PTPRG: variants seen among roughly 807,000 people sequenced by gnomAD.
PTPRG encodes the protein receptor-type tyrosine-protein phosphatase gamma.
A neutral mutation model predicts 165.3 loss-of-function variants in PTPRG; 102 were observed. The ratio of observed to expected loss-of-function variants is 0.62; its 90% CI spans 0.53 to 0.73. PTPRG has a LOEUF of 0.73. Ranked by LOEUF, PTPRG falls within the 30% of genes least tolerant of loss-of-function variation. The probability of loss-of-function intolerance (pLI) is 0.00; values close to 1 mark genes in which losing one functional copy is unlikely to be tolerated. For synonymous variants in PTPRG, 675 were observed against 669.5 expected, an observed-to-expected ratio of 1.01 and a Z score of -0.13; for missense variants, 1,866 against 1,861.4, an observed-to-expected ratio of 1.00 and a Z score of -0.05.
At chr3:62,092,439 GAAAAAAAAAA>G (rs55955359) in intron 5 of PTPRG, among the ~76,000 whole-genome samples, 1 of 89,436 alleles carries the variant, frequency 1.1e-5, no homozygotes, top group Non-Finnish European at 2.1e-5. Flanking sequence ...GAGTCCATCT[GAAAAAAAAAA>G]AAAAAAAAAA....
chr3:61,828,306 G>A (rs2036170729), intron 2 of PTPRG, among the ~76,000 whole-genome samples: 1 of 152,210 alleles, frequency 6.6e-6, no homozygotes, highest in Non-Finnish European at 1.5e-5. Context: ...TATGGAAGAT[G>A]TTTAATATCT....
At chr3:61,939,134 A>T (rs1038241673) in intron 2 of PTPRG, among the ~76,000 whole-genome samples, 2 of 152,200 alleles carry the variant, frequency 1.3e-5, no homozygotes, top group Non-Finnish European at 2.9e-5. Flanking sequence ...ATCCCGTTCA[A>T]ACTGGCAGTC....
Position 62,203,058 on chromosome 3 carries a change from A to G in PTPRG, c.1378-115A>G. 5 of 1,482,900 alleles carry G rather than the reference A, an allele frequency of 3.4e-6. No individual in the cohort carries two copies. Among genetic ancestry groups the G allele is most frequent in the Non-Finnish European group, 4.5e-6 (5 of 1,114,980 alleles). 91.9% of individuals were successfully genotyped at this position (1,482,900 alleles called of 1,614,324 possible). On this transcript the variant is annotated intron_variant, in intron 11 of 29. Coordinates refer to ENST00000474889, the MANE Select transcript of PTPRG (RefSeq NM_002841.4). The surrounding 1 kb of genome is among the most constrained non-coding windows in gnomAD (Gnocchi z 6.4). ...ATTGGAAAACTCCATAGCATAGATG[A>G]GTAAAATCCTCAGAGGGTGACAACC... is the stretch of plus-strand genomic sequence containing the variant.
chr3:61,621,961 T>G lies in PTPRG; in HGVS notation c.85+59589T>G, dbSNP rs140321609. 6.0e-3 allele frequency among the ~76,000 whole-genome samples: 912 copies of G among 152,302 alleles called. 11 individuals carry two copies. Among genetic ancestry groups the G allele is most frequent in the African/African-American group, 0.021 (857 of 41,556 alleles). ...CCATTTAATTTTGGGGTAATTATTA[T>G]CTCCACAGTCCCTGTCCTTCTTGGA... is the stretch of plus-strand genomic sequence containing the variant. On this transcript the variant is annotated intron_variant, in intron 1 of 29. Coordinates refer to ENST00000474889, the MANE Select transcript of PTPRG (RefSeq NM_002841.4).
At chr3:62,142,927 C>T (rs9854551) in intron 6 of PTPRG, among the ~76,000 whole-genome samples, 23,346 of 152,118 alleles carry the variant, frequency 0.15, 2,279 homozygotes, top group East Asian at 0.36. Context: ...ACCACCATGG[C>T]CCGCATCATA....
At chr3:61,897,425 C>T (rs1292027983) in intron 2 of PTPRG, among the ~76,000 whole-genome samples, 2 of 152,102 alleles carry the variant, frequency 1.3e-5, no homozygotes, top group African/African-American at 4.8e-5. Flanking sequence ...TCTGGGTTCT[C>T]TCTTCTGTTC....
chr3:61,619,650 A>G (rs969673961), intron 1 of PTPRG, among the ~76,000 whole-genome samples: 1 of 152,160 alleles, frequency 6.6e-6, no homozygotes, highest in Admixed American at 6.5e-5. Context: ...CCTATATTTT[A>G]TCTTCCCATT....
intron 2 of PTPRG, among the ~76,000 whole-genome samples, chr3:61,834,120 A>G (rs1281105443): frequency 2.0e-5 from 3 of 152,168 alleles, no homozygotes; most frequent in Non-Finnish European, 4.4e-5. Context: ...CAAAGAACAC[A>G]TTTGCCTTGG....
chr3:62,290,901 G>C (rs1702862946), intron 28 of PTPRG, among the ~76,000 whole-genome samples: 1 of 152,004 alleles, frequency 6.6e-6, no homozygotes, highest in African/African-American at 2.4e-5. Context: ...AAAAATAAAA[G>C]ATGTATCAAC....
chr3:62,150,210 A>C (rs112108908), intron 6 of PTPRG, among the ~76,000 whole-genome samples: 12 of 152,352 alleles, frequency 7.9e-5, no homozygotes, highest in African/African-American at 2.4e-4. Context: ...GGAGTAATGA[A>C]GAAATGTTCT....
At chr3:62,104,515 C>G (rs1005186788) in intron 5 of PTPRG, among the ~76,000 whole-genome samples, 3 of 152,184 alleles carry the variant, frequency 2.0e-5, no homozygotes, top group African/African-American at 7.2e-5. Flanking sequence ...TTTATTTGCT[C>G]ATTCAGTTAT....
At chr3:61,620,665 G>C (rs765404671) in intron 1 of PTPRG, among the ~76,000 whole-genome samples, 22 of 151,638 alleles carry the variant, frequency 1.5e-4, no homozygotes, top group Non-Finnish European at 3.1e-4. Flanking sequence ...TAACGCTCTT[G>C]TCACCCAGGC....
intron 1 of PTPRG, among the ~76,000 whole-genome samples, chr3:61,640,404 ATCCTCC>A (rs568796604): frequency 1.3e-5 from 2 of 152,028 alleles, no homozygotes; most frequent in East Asian, 1.9e-4. Context: ...ATATGTGTTG[ATCCTCC>A]TCCTCCTCCT....
chr3:62,231,335 G>T (rs199651515), intron 14 of PTPRG, 24 bp downstream of exon 14: 9 of 1,531,018 alleles, frequency 5.9e-6, no homozygotes, highest in Non-Finnish European at 7.9e-6. Flanking sequence ...AAGCTTAAGT[G>T]GGGGGCGTCT....
intron 6 of PTPRG, among the ~76,000 whole-genome samples, chr3:62,141,709 G>A (rs914033679): frequency 6.6e-6 from 1 of 151,548 alleles, no homozygotes; most frequent in African/African-American, 2.4e-5. Context: ...AGACCAGCCT[G>A]GCTAATGTGG....
chr3:61,859,017 C>T (rs2037189245), intron 2 of PTPRG, among the ~76,000 whole-genome samples: 1 of 152,040 alleles, frequency 6.6e-6, no homozygotes, highest in African/African-American at 2.4e-5. Flanking sequence ...CAAAAAGTTG[C>T]TGAGTGAATA....
intron 2 of PTPRG, among the ~76,000 whole-genome samples, chr3:61,826,686 C>G (rs1273356431): frequency 1.3e-5 from 2 of 152,278 alleles, no homozygotes; most frequent in Non-Finnish European, 2.9e-5. Context: ...TTGCTTCTTA[C>G]TCTACCAAGT....
intron 1 of PTPRG, among the ~76,000 whole-genome samples, chr3:61,640,901 G>T (rs917601270): frequency 2.0e-5 from 3 of 152,294 alleles, no homozygotes; most frequent in Non-Finnish European, 2.9e-5. Context: ...AAGTGGGAAG[G>T]TGTTTGCCCA....
At chr3:62,137,814 G>A (rs987985678) in intron 6 of PTPRG, among the ~76,000 whole-genome samples, 1 of 152,204 alleles carries the variant, frequency 6.6e-6, no homozygotes, top group Admixed American at 6.5e-5. Context: ...CATAGAATAA[G>A]AGAAGACCAC....
Sources: gnomAD v4.1 joint callset for allele counts (sites outside exome capture counted in the v4.1 genomes callset) on GRCh38, gnomAD v4.1.1 for gene constraint, Gnocchi (gnomAD v3.1) non-coding constraint, MANE v1.5 for transcripts, NCBI Gene and HGNC (gene_info 2026-07-23, HGNC 2026-07-21) for gene names.